Variants in PCDH7 observed in about 807,000 individuals in gnomAD.
PCDH7 encodes the protein protocadherin-7.
In PCDH7, 17 loss-of-function variants were observed where a neutral mutation model predicts 58.9. That is an observed-to-expected ratio of 0.29 (90% CI 0.20 to 0.43). PCDH7 has a LOEUF of 0.43. Ranked by LOEUF, PCDH7 falls within the 20% of genes least tolerant of loss-of-function variation. The pLI is 1.00. For missense variants in PCDH7, 1,274 were observed against 1,441.0 expected (o/e 0.88, Z 1.88); for synonymous variants, 664 against 616.4 (o/e 1.08, Z -1.14).
At chr4:30,864,529 T>C (rs1246549116) in intron 1 of PCDH7, among the ~76,000 whole-genome samples, 1 of 151,932 alleles carries the variant, frequency 6.6e-6, no homozygotes, top group African/African-American at 2.4e-5. Context: ...GTTTAATTTT[T>C]TTGTTGTTCC....
intron 1 of PCDH7, among the ~76,000 whole-genome samples, chr4:30,784,350 G>A (rs934417660): frequency 1.3e-5 from 2 of 152,232 alleles, no homozygotes; most frequent in African/African-American, 4.8e-5. Context: ...TTAGTGACAG[G>A]TGAGTATTAG....
intron 1 of PCDH7, among the ~76,000 whole-genome samples, chr4:30,808,858 T>C (rs1726603054): frequency 6.6e-6 from 1 of 152,154 alleles, no homozygotes; most frequent in South Asian, 2.1e-4. Flanking sequence ...AAAATTATCA[T>C]GGTGCCAAAT....
chr4:31,079,880 T>A (rs1448214951), intron 3 of PCDH7, among the ~76,000 whole-genome samples: 1 of 151,966 alleles, frequency 6.6e-6, no homozygotes, highest in African/African-American at 2.4e-5. Flanking sequence ...GAGGATCATA[T>A]GGAACCCAGT....
intron 3 of PCDH7, among the ~76,000 whole-genome samples, chr4:31,093,537 T>C (rs575947065): frequency 6.6e-6 from 1 of 152,108 alleles, no homozygotes; most frequent in East Asian, 1.9e-4. Flanking sequence ...CATATTTGTT[T>C]TCTACAGCCT....
At chr4:31,061,075 AT>A (rs1260483992) in intron 3 of PCDH7, among the ~76,000 whole-genome samples, 1 of 151,694 alleles carries the variant, frequency 6.6e-6, no homozygotes, top group Non-Finnish European at 1.5e-5. Context: ...TAGAAAGTGC[AT>A]GCCTGTCCCC....
chr4:30,890,876 G>A (rs1339968743), intron 1 of PCDH7, among the ~76,000 whole-genome samples: 1 of 151,980 alleles, frequency 6.6e-6, no homozygotes, highest in African/African-American at 2.4e-5. Flanking sequence ...ACTAAGATAG[G>A]GAATGTGTCC....
At chr4:30,784,425 T>G (rs1723151531) in intron 1 of PCDH7, among the ~76,000 whole-genome samples, 1 of 152,160 alleles carries the variant, frequency 6.6e-6, no homozygotes, top group Non-Finnish European at 1.5e-5. Flanking sequence ...TGTTCTTATG[T>G]AGTTAACATA....
intron 1 of PCDH7, among the ~76,000 whole-genome samples, chr4:30,907,453 C>T (rs1324336853): frequency 1.3e-5 from 2 of 152,170 alleles, no homozygotes; most frequent in African/African-American, 4.8e-5. Context: ...TATGAACGGA[C>T]ACTTCTCAAA....
intron 3 of PCDH7, among the ~76,000 whole-genome samples, chr4:31,062,689 C>A (rs906501325): frequency 6.6e-6 from 1 of 151,760 alleles, no homozygotes. Context: ...TCTTCATATT[C>A]TTTTCAGGGT....
chr4:31,137,756 T>C (rs1442230557), intron 3 of PCDH7, among the ~76,000 whole-genome samples: 1 of 152,180 alleles, frequency 6.6e-6, no homozygotes, highest in Non-Finnish European at 1.5e-5. Context: ...AATCCGTTTA[T>C]CTCACATGGC....
At position 30,911,887 on chromosome 4, in the gene PCDH7, TA is replaced by T. The variant is rs569191379; in HGVS notation, c.71-8256del. Among the ~76,000 whole-genome samples, 712 of 150,832 alleles carry T rather than the reference TA, an allele frequency of 4.7e-3. 4 individuals are homozygous for T. The highest frequency in any genetic ancestry group is 6.9e-3 in the Non-Finnish European group (467 of 67,586). On this transcript the variant is annotated intron_variant, in intron 1 of 3. Transcript: ENST00000509759. ...CCTGGCACAGAGTAGCTGCTTTTTTTAAAAAAAAAATTAATATCATTGTTTT... is the reference window on the plus strand; with the variant it reads ...CCTGGCACAGAGTAGCTGCTTTTTTTAAAAAAAAATTAATATCATTGTTTT...
At chr4:30,941,607 T>C (rs1746046713) in intron 2 of PCDH7, among the ~76,000 whole-genome samples, 2 of 151,856 alleles carry the variant, frequency 1.3e-5, no homozygotes, top group Non-Finnish European at 2.9e-5. Context: ...TATAAGCAAA[T>C]TGTGCTTTAG....
At chr4:30,889,420 A>G (rs1344541183) in intron 1 of PCDH7, among the ~76,000 whole-genome samples, 1 of 152,114 alleles carries the variant, frequency 6.6e-6, no homozygotes, top group South Asian at 2.1e-4. Flanking sequence ...CATTTTCAGA[A>G]TGTAAAACAC....
At chr4:30,745,780 ATG>A (rs139289292) in intron 1 of PCDH7, among the ~76,000 whole-genome samples, 2 of 150,934 alleles carry the variant, frequency 1.3e-5, no homozygotes, top group Admixed American at 6.6e-5. Flanking sequence ...GTGTGTGTGT[ATG>A]TGTGTGTGTG....
rs538202792 is a variant in PCDH7, at chr4:30,729,438, TTAA to T, written c.3175-1310_3175-1308del. Among the ~76,000 whole-genome samples, 327 of 152,120 alleles carry T rather than the reference TTAA, an allele frequency of 2.1e-3. 1 individual carries two copies. Among genetic ancestry groups the T allele is most frequent in the African/African-American group, 7.6e-3 (315 of 41,562 alleles). On this transcript the variant is annotated intron_variant, in intron 1 of 1. Coordinates refer to ENST00000361762, the Ensembl canonical transcript of PCDH7. ...CAAAATTTACAGAATTTTAAAGAAG[TTAA>T]TAATTCTTTTCCCTCATGTAGGATT...
Position 30,753,960 on chromosome 4 carries a change from TAA to T in PCDH7, c.70+29365_70+29366del, listed in dbSNP as rs1174022361. ...ACCAACAAAACCTTGATTTTATAGA[TAA>T]GTGTTACTGATCATAGAAACTACCA... On this transcript the variant is annotated intron_variant, in intron 1 of 3. Coordinates refer to the PCDH7 transcript ENST00000509759. Among the ~76,000 whole-genome samples the T allele has an allele frequency of 3.9e-5, 6 of 152,306 alleles. No individual in the cohort carries two copies. The East Asian group carries it at 1.2e-3, about 29-fold the overall frequency.
intron 3 of PCDH7, among the ~76,000 whole-genome samples, chr4:31,129,284 A>G (rs1718679739): frequency 6.6e-6 from 1 of 152,218 alleles, no homozygotes. Context: ...GCAATGAGGA[A>G]TCAAAATTCC....
intron 1 of PCDH7, among the ~76,000 whole-genome samples, chr4:30,804,436 G>A (rs1424016674): frequency 2.6e-5 from 4 of 151,978 alleles, no homozygotes; most frequent in Non-Finnish European, 1.5e-5. Flanking sequence ...CTACTCAGGA[G>A]GCTGAGGCAG....
At chr4:30,811,410 A>G (rs1486939550) in intron 1 of PCDH7, among the ~76,000 whole-genome samples, 1 of 152,220 alleles carries the variant, frequency 6.6e-6, no homozygotes, top group Non-Finnish European at 1.5e-5. Flanking sequence ...AAAAAGGATG[A>G]CAGTTTAATT....
Sources: gnomAD v4.1 joint callset for allele counts (sites outside exome capture counted in the v4.1 genomes callset) on GRCh38, gnomAD v4.1.1 for gene constraint, MANE v1.5 for transcripts, NCBI Gene and HGNC (gene_info 2026-07-23, HGNC 2026-07-21) for gene names.